SYNCRIP: variants seen among roughly 807,000 people sequenced by gnomAD.
SYNCRIP encodes synaptotagmin binding cytoplasmic RNA interacting protein.
SYNCRIP carries 9 observed loss-of-function variants against 68.9 expected under a neutral mutation model. That is an observed-to-expected ratio of 0.13 (90% CI 0.08 to 0.23). The LOEUF is 0.23. Ranked by LOEUF, SYNCRIP falls within the 10% of genes least tolerant of loss-of-function variation. SYNCRIP has a pLI of 1.00. For synonymous variants in SYNCRIP, 258 were observed against 254.0 expected, an observed-to-expected ratio of 1.02 and a Z score of -0.15; for missense variants, 414 against 770.6, an observed-to-expected ratio of 0.54 and a Z score of 5.48.
chr6:85,640,685 C>CT, intron 2 of SYNCRIP, 121 bp from the exon 3 acceptor site: 14 of 528,444 alleles, frequency 2.6e-5, no homozygotes, highest in Middle Eastern at 5.1e-4. Context: ...TCATCTATAC[C>CT]TGAAAAAAAA....
intron 1 of SYNCRIP, among the ~76,000 whole-genome samples, chr6:85,642,228 C>T (rs1809264103): frequency 6.6e-6 from 1 of 152,138 alleles, no homozygotes; most frequent in African/African-American, 2.4e-5. Context: ...GCGCCGCCGT[C>T]TCCGCCGTGA....
rs1050502408 is a variant in SYNCRIP, at chr6:85,632,935, C to T, written c.666+4032G>A. Among the ~76,000 whole-genome samples the T allele has an allele frequency of 8.1e-5, 12 of 148,254 alleles. No individual in the cohort carries two copies. In the East Asian group the frequency reaches 2.0e-3, roughly 25 times the overall value. Reference sequence around the variant, plus strand: ...GGGCAACAGAGTGACAACCTGTCTCCGAAAACAGTAATAATAATTAAAACC... The same window carrying T: ...GGGCAACAGAGTGACAACCTGTCTCTGAAAACAGTAATAATAATTAAAACC... On this transcript the variant is annotated intron_variant, in intron 6 of 10. Transcript: ENST00000369622.
At chr6:85,642,588 G>C (rs1338120784) in intron 1 of SYNCRIP, among the ~76,000 whole-genome samples, 1 of 152,198 alleles carries the variant, frequency 6.6e-6, no homozygotes, top group Non-Finnish European at 1.5e-5. Context: ...AAGCGCCGCA[G>C]ACAAAGCCCG....
intron 8 of SYNCRIP, among the ~76,000 whole-genome samples, chr6:85,620,408 G>A (rs953120526): frequency 1.3e-5 from 2 of 152,180 alleles, no homozygotes; most frequent in African/African-American, 4.8e-5. Flanking sequence ...ATTACTAAGA[G>A]AAAGAAGCCA....
chr6:85,615,500 T>A (rs531412512), intron 10 of SYNCRIP, among the ~76,000 whole-genome samples, 153 bp from the exon 11 acceptor site: 1 of 152,340 alleles, frequency 6.6e-6, no homozygotes, highest in South Asian at 2.1e-4. Context: ...TAAGTTTTAG[T>A]AGTAGTAATG....
intron 6 of SYNCRIP, among the ~76,000 whole-genome samples, chr6:85,625,363 A>G (rs1198378344): frequency 6.7e-6 from 1 of 149,264 alleles, no homozygotes; most frequent in Non-Finnish European, 1.5e-5. Flanking sequence ...TTTTATATCA[A>G]CTCTTAAACA....
chr6:85,629,640 G>A (rs181788888), intron 6 of SYNCRIP, among the ~76,000 whole-genome samples: 94 of 151,538 alleles, frequency 6.2e-4, no homozygotes, highest in Non-Finnish European at 5.9e-5. Context: ...TGGCCAATAT[G>A]GTGAAACCCC....
At chr6:85,612,550 G>C (rs1805325230), downstream of SYNCRIP, 1 of 183,676 alleles carries the variant, frequency 5.4e-6, no homozygotes, top group Admixed American at 6.1e-5. Context: ...ATTTAAAAAA[G>C]GGGAAAAATC....
chr6:85,634,268 C>CTGTTACTAATGGATA (rs1461670952), intron 6 of SYNCRIP, among the ~76,000 whole-genome samples: 4 of 152,276 alleles, frequency 2.6e-5, no homozygotes, highest in Admixed American at 2.6e-4. Context: ...GGATTATAAA[C>CTGTTACTAATGGATA]CATCTTCCTC....
chr6:85,640,041 C>A (rs576162378), intron 4 of SYNCRIP, among the ~76,000 whole-genome samples, 180 bp downstream of exon 4: 1 of 152,226 alleles, frequency 6.6e-6, no homozygotes, highest in East Asian at 1.9e-4. Context: ...ACATGATAAA[C>A]TTCACAGCAA....
chr6:85,614,917 T>G lies in SYNCRIP; in HGVS notation c.1711A>C (p.Asn571His). ...TGGCGCCGCTTGGAATCTGGCTGGT[T>G]GTACCCATCAGCTTTGCGCTTTCCT... ...VGGKRKADGY[N>H]QPDSKRRQTN... The change falls in exon 11 of 11, where the codon AAC becomes CAC. Residue 571 changes from asparagine to histidine, a missense_variant. By Grantham distance (68) the Asn-to-His change is moderately conservative. Transcript: ENST00000369622. 1.2e-6 allele frequency: 2 copies of G among 1,614,196 alleles called. No individual in the cohort carries two copies. The highest frequency in any genetic ancestry group is 1.7e-6 in the Non-Finnish European group (2 of 1,180,046).
intron 9 of SYNCRIP, 144 bp downstream of exon 9, chr6:85,619,124 A>AC: frequency 7.9e-7 from 1 of 1,272,470 alleles, no homozygotes; most frequent in Admixed American, 2.5e-5. Flanking sequence ...GAAAACTGCC[A>AC]ACATCACTAA....
chr6:85,609,256 TAG>T (rs1312235905), downstream of SYNCRIP: 6 of 151,934 alleles, frequency 3.9e-5, no homozygotes, highest in African/African-American at 9.7e-5. Flanking sequence ...CTCCTTAAAA[TAG>T]AGACTACGTA....
At chr6:85,616,037 T>C (rs1309478144) in intron 10 of SYNCRIP, among the ~76,000 whole-genome samples, 1 of 152,178 alleles carries the variant, frequency 6.6e-6, no homozygotes, top group Admixed American at 6.5e-5. Context: ...TTCCCAAAAA[T>C]AAACTACACC....
rs1371971332 is a variant in SYNCRIP, at chr6:85,637,093, T to C, written c.540A>G (p.Pro180=). 4.3e-6 allele frequency: 7 copies of C among 1,613,728 alleles called. No homozygotes were observed. Among genetic ancestry groups the C allele is most frequent in the African/African-American group, 4.0e-5 (3 of 75,046 alleles). The part of the protein sequence containing the change: ...PRDLFEDELV[P]LFEKAGPIWD... ...ATATAGGTCCAGCTTTCTCAAATAA[T>C]GGAACAAGTTCATCCTCAAATAGAT... The change falls in exon 6 of 11, where the codon CCA becomes CCG. Residue 180 remains proline (P), a synonymous_variant. Coordinates refer to ENST00000369622, the MANE Select transcript of SYNCRIP (RefSeq NM_006372.5).
At chr6:85,623,579 A>AAAAAAAAAAAAAAAAAAAAAAAAAAAAAC (rs1554184894) in intron 7 of SYNCRIP, among the ~76,000 whole-genome samples, 3 of 125,872 alleles carry the variant, frequency 2.4e-5, no homozygotes, top group Non-Finnish European at 5.3e-5. Context: ...AAAAAAAAAA[A>AAAAAAAAAAAAAAAAAAAAAAAAAAAAAC]AAAACACTCT....
downstream of SYNCRIP, chr6:85,613,053 T>G: frequency 9.1e-7 from 1 of 1,098,888 alleles, no homozygotes; most frequent in Non-Finnish European, 1.2e-6. Flanking sequence ...GCCAAAAAAG[T>G]TGCCTTTAAT....
chr6:85,633,687 T>A (rs1238091158), intron 6 of SYNCRIP, among the ~76,000 whole-genome samples: 1 of 152,198 alleles, frequency 6.6e-6, no homozygotes, highest in African/African-American at 2.4e-5. Flanking sequence ...AATTTTTTTT[T>A]TCCCCCTTTT....
At chr6:85,609,913 A>G (rs1422540211), downstream of SYNCRIP, 1 of 151,976 alleles carries the variant, frequency 6.6e-6, no homozygotes, top group Non-Finnish European at 1.5e-5. Context: ...GTCAAAGCCA[A>G]GAACCCATAA....
Sources: gnomAD v4.1 joint callset for allele counts (sites outside exome capture counted in the v4.1 genomes callset) on GRCh38, gnomAD v4.1.1 for gene constraint, MANE v1.5 for transcripts, NCBI Gene and HGNC (gene_info 2026-07-23, HGNC 2026-07-21) for gene names.